HIPK2: variants seen among roughly 807,000 people sequenced by gnomAD.
HIPK2 encodes the protein homeodomain-interacting protein kinase 2.
Under a neutral mutation model 113.7 loss-of-function variants are expected in HIPK2, and 27 were observed. That is an observed-to-expected ratio of 0.24 (90% CI 0.17 to 0.33). The LOEUF (loss-of-function observed/expected upper bound fraction) is 0.33, where lower values mean the gene tolerates loss of function less well. HIPK2 is among the 10% of genes least tolerant of loss of function. HIPK2 has a pLI of 1.00. For synonymous variants in HIPK2, 631 were observed against 642.2 expected, an observed-to-expected ratio of 0.98 and a Z score of 0.26; for missense variants, 1,257 against 1,588.0, an observed-to-expected ratio of 0.79 and a Z score of 3.54.
chr7:139,759,444 C>T lies in HIPK2; in HGVS notation c.19+18161G>A, dbSNP rs1474002497. On this transcript the variant is annotated intron_variant, in intron 1 of 14. Transcript: ENST00000406875. The stretch of plus-strand genomic sequence containing the variant: ...TAATCCCATTTCTAGGATTTCATTT[C>T]ACAGATGCACCTACAAAAGTATTAA... Among the ~76,000 whole-genome samples the T allele has an allele frequency of 7.9e-5, 12 of 152,290 alleles. No homozygotes were observed. The East Asian group carries it at 1.9e-3, about 24-fold the overall frequency.
intron 2 of HIPK2, among the ~76,000 whole-genome samples, chr7:139,700,424 A>C (rs1794675680): frequency 6.6e-6 from 1 of 152,206 alleles, no homozygotes; most frequent in Non-Finnish European, 1.5e-5. Context: ...TGACGGTCAC[A>C]AAAAGCCCTT....
chr7:139,735,506 A>C (rs1468477934), intron 1 of HIPK2, among the ~76,000 whole-genome samples: 1 of 152,238 alleles, frequency 6.6e-6, no homozygotes, highest in Non-Finnish European at 1.5e-5. Context: ...GCATCCAGGA[A>C]TATCTGCTGA....
intron 1 of HIPK2, among the ~76,000 whole-genome samples, chr7:139,727,055 G>C (rs1795600787): frequency 1.3e-5 from 2 of 152,178 alleles, no homozygotes; most frequent in African/African-American, 4.8e-5. Flanking sequence ...GTCATGGGTG[G>C]AGATGTGGAC....
intron 11 of HIPK2, among the ~76,000 whole-genome samples, chr7:139,597,209 C>T (rs967117299): frequency 6.6e-6 from 1 of 152,214 alleles, no homozygotes; most frequent in Non-Finnish European, 1.5e-5. Context: ...GATCTACATG[C>T]CTGCTCCCAG....
intron 1 of HIPK2, among the ~76,000 whole-genome samples, chr7:139,758,028 T>C (rs781150771): frequency 4.6e-5 from 7 of 152,194 alleles, no homozygotes; most frequent in Non-Finnish European, 1.0e-4. Flanking sequence ...ATAGAAAACA[T>C]TGTCTTTGAC....
intron 2 of HIPK2, among the ~76,000 whole-genome samples, chr7:139,638,809 C>A (rs1020323013): frequency 2.0e-5 from 3 of 152,066 alleles, no homozygotes; most frequent in African/African-American, 7.2e-5. Flanking sequence ...AGGCGCCCAC[C>A]ACCATGCCCG....
At chr7:139,717,123 T>A (rs1388265532) in intron 1 of HIPK2, 108 bp from the exon 2 acceptor site, 2 of 1,319,448 alleles carry the variant, frequency 1.5e-6, no homozygotes, top group African/African-American at 3.0e-5. Context: ...ACAGAATATA[T>A]TCCTCCCACT....
At chr7:139,689,502 T>C (rs374973984) in intron 2 of HIPK2, among the ~76,000 whole-genome samples, 1 of 152,238 alleles carries the variant, frequency 6.6e-6, no homozygotes, top group African/African-American at 2.4e-5. Context: ...ATCATTTATA[T>C]GTATTAGCTA....
In HIPK2 at chr7:139,562,373, A is replaced by C. The variant is rs115548188; in HGVS notation, c.*10554T>G. ...CCACGTTCCTTGGACCTGGTGACTTAGTGTCGCCGGGTCTCCTCTTCCCTG... is the reference window on the plus strand; with the variant it reads ...CCACGTTCCTTGGACCTGGTGACTTCGTGTCGCCGGGTCTCCTCTTCCCTG... On this transcript the variant is annotated 3_prime_UTR_variant, in exon 15 of 15. Transcript: ENST00000406875. 0.012 allele frequency: 1,878 copies of C among 152,322 alleles called. 39 individuals are homozygous for C. Among genetic ancestry groups the C allele is most frequent in the African/African-American group, 0.043 (1,781 of 41,562 alleles). 9.4% of individuals were successfully genotyped at this position (152,322 alleles called of 1,614,324 possible).
At chr7:139,668,795 T>C (rs1316108296) in intron 2 of HIPK2, among the ~76,000 whole-genome samples, 1 of 152,248 alleles carries the variant, frequency 6.6e-6, no homozygotes, top group Non-Finnish European at 1.5e-5. Flanking sequence ...AATTGGATAT[T>C]AGCTGTTCTA....
chr7:139,586,077 C>T (rs569322460), intron 12 of HIPK2, among the ~76,000 whole-genome samples: 291 of 152,010 alleles, frequency 1.9e-3, no homozygotes, highest in Non-Finnish European at 3.2e-3. Context: ...ACAAAGCCTC[C>T]GTGATTAACT....
At chr7:139,665,437 C>T (rs146243682) in intron 2 of HIPK2, among the ~76,000 whole-genome samples, 1 of 152,318 alleles carries the variant, frequency 6.6e-6, no homozygotes, top group East Asian at 1.9e-4. Flanking sequence ...ACCCAACAAA[C>T]TCCTTTTATG....
chr7:139,623,942 T>G (rs947420304), intron 6 of HIPK2, among the ~76,000 whole-genome samples: 1 of 152,170 alleles, frequency 6.6e-6, no homozygotes, highest in East Asian at 1.9e-4. Flanking sequence ...GATGTGATTA[T>G]TTATTCTTTT....
At chr7:139,626,518 T>C in intron 6 of HIPK2, 83 bp downstream of exon 6, 7 of 1,454,882 alleles carry the variant, frequency 4.8e-6, no homozygotes, top group Admixed American at 2.0e-5. Context: ...CAAGACCTTA[T>C]GGCCGCAAAA....
intron 1 of HIPK2, among the ~76,000 whole-genome samples, chr7:139,744,577 T>C (rs534470960): frequency 6.6e-6 from 1 of 152,380 alleles, no homozygotes; most frequent in African/African-American, 2.4e-5. Flanking sequence ...ATGTGAGTTA[T>C]ATCTCAATAA....
At chr7:139,671,507 G>C (rs531775936) in intron 2 of HIPK2, among the ~76,000 whole-genome samples, 337 of 152,268 alleles carry the variant, frequency 2.2e-3, no homozygotes, top group Non-Finnish European at 3.2e-3. Flanking sequence ...TATCTGATCT[G>C]TGTACCAAAA....
At chr7:139,578,007 C>T (rs780917886) in intron 13 of HIPK2, among the ~76,000 whole-genome samples, 3 of 151,988 alleles carry the variant, frequency 2.0e-5, no homozygotes, top group East Asian at 1.9e-4. Flanking sequence ...TGCACCACCA[C>T]GCCCAGCTAA....
At chr7:139,593,707 G>T (rs904910742) in intron 12 of HIPK2, among the ~76,000 whole-genome samples, 1 of 152,178 alleles carries the variant, frequency 6.6e-6, no homozygotes, top group African/African-American at 2.4e-5. Flanking sequence ...CTGGCACTGG[G>T]GTAAGTAGCA....
At chr7:139,686,567 A>T (rs972915158) in intron 2 of HIPK2, among the ~76,000 whole-genome samples, 15 of 152,012 alleles carry the variant, frequency 9.9e-5, no homozygotes, top group African/African-American at 3.4e-4. Flanking sequence ...ATGGTTTTAT[A>T]AGGGGCTTTC....
Sources: allele counts gnomAD v4.1 joint callset (sites outside exome capture counted in the v4.1 genomes callset), GRCh38; gene constraint gnomAD v4.1.1; transcripts MANE v1.5; gene names NCBI Gene and HGNC (gene_info 2026-07-23, HGNC 2026-07-21).